MINK1: variants seen among roughly 807,000 people sequenced by gnomAD.
The protein encoded by MINK1 is misshapen-like kinase 1.
A neutral mutation model predicts 178.4 loss-of-function variants in MINK1; 46 were observed. The observed-to-expected ratio is 0.26, with a 90% CI of 0.20 to 0.33. The LOEUF is 0.33. Among genes scored for constraint, MINK1 ranks in the 10% least tolerant of loss-of-function variants. MINK1 has a pLI of 1.00. For missense variants in MINK1, 1,366 were observed against 1,814.9 expected (o/e 0.75, Z 4.49); for synonymous variants, 797 against 709.7 (o/e 1.12, Z -1.96).
chr17:4,841,759 G>T (rs971897833), intron 1 of MINK1, among the ~76,000 whole-genome samples: 3 of 152,104 alleles, frequency 2.0e-5, no homozygotes, highest in Non-Finnish European at 4.4e-5. Context: ...ATCTAAGTAT[G>T]TCTGTGACTG....
chr17:4,894,646 G>C lies in MINK1; in HGVS notation c.2917+13G>C, dbSNP rs746341712. On this transcript the variant is annotated intron_variant, in intron 24 of 31. Transcript: ENST00000355280. This position sits in a 1 kb window ranked among gnomAD's most constrained non-coding sequence, Gnocchi z 4.1. ...ATCCCCATCACAGGTGAGGACAGGA[G>C]GACAGACCTGCTGTGAGGCCAGGGT... The C allele has an allele frequency of 5.7e-6, 9 of 1,582,550 alleles. No homozygotes were observed. Among genetic ancestry groups the C allele is most frequent in the Non-Finnish European group, 7.8e-6 (9 of 1,160,890 alleles).
intron 1 of MINK1, among the ~76,000 whole-genome samples, chr17:4,873,176 G>C (rs1371910078): frequency 3.3e-5 from 5 of 152,278 alleles, no homozygotes. Flanking sequence ...GTTGCCCTTG[G>C]CCATCCACAT....
chr17:4,866,967 G>T (rs1304507505), intron 1 of MINK1, among the ~76,000 whole-genome samples: 2 of 150,910 alleles, frequency 1.3e-5, no homozygotes, highest in Non-Finnish European at 3.0e-5. Context: ...CAGCTGCTCC[G>T]GAGGCTGAGG....
chr17:4,883,793 C>T (rs1298471140), intron 4 of MINK1, among the ~76,000 whole-genome samples: 2 of 151,586 alleles, frequency 1.3e-5, no homozygotes, highest in Non-Finnish European at 2.9e-5. Context: ...CCACCTCGGC[C>T]TCCCAAAATG....
intron 1 of MINK1, among the ~76,000 whole-genome samples, chr17:4,845,768 A>G (rs184527891): frequency 3.5e-4 from 53 of 152,038 alleles, no homozygotes; most frequent in Non-Finnish European, 6.5e-4. Flanking sequence ...CCCAAGCATA[A>G]TAGCTGGGAC....
chr17:4,865,959 G>A (rs1233353016), intron 1 of MINK1, among the ~76,000 whole-genome samples: 1 of 152,148 alleles, frequency 6.6e-6, no homozygotes, highest in Admixed American at 6.5e-5. Context: ...AGAAAACAAA[G>A]ACATACCACA....
At chr17:4,846,346 T>TTGA (rs1172112215) in intron 1 of MINK1, among the ~76,000 whole-genome samples, 1 of 152,228 alleles carries the variant, frequency 6.6e-6, no homozygotes, top group Non-Finnish European at 1.5e-5. Context: ...CTGCATGTAT[T>TTGA]TGATGACACC....
chr17:4,896,731 C>T lies in MINK1; in HGVS notation c.3833C>T (p.Ser1278Phe). The change falls in exon 31 of 32, where the codon TCT becomes TTT. Residue 1278 changes from serine (S) to phenylalanine (F), a missense_variant. Physicochemically the swap from Ser to Phe is radical, Grantham distance 155. This residue lies in a region of MINK1 where 201 missense variants were observed against 240.7 expected (regional missense o/e 0.84). Coordinates refer to ENST00000355280, the MANE Select transcript of MINK1 (RefSeq NM_153827.5). This position sits in a 1 kb window ranked among gnomAD's most constrained non-coding sequence, Gnocchi z 4.6. Reference protein sequence around the residue: ...GWGEKAIEIRSVETGHLDGVF... With the variant: ...GWGEKAIEIRFVETGHLDGVF... ...GGTGAGAAAGCCATTGAGATCCGCT[C>T]TGTGGAGACGGGCCACCTCGACGGG... 6.2e-7 allele frequency: 1 copy of T among 1,604,542 alleles called. No individual in the cohort carries two copies.
At chr17:4,891,322 A>G (rs1968790900) in intron 15 of MINK1, 134 bp from the exon 16 acceptor site, 4 of 1,309,820 alleles carry the variant, frequency 3.1e-6, no homozygotes, top group Non-Finnish European at 3.1e-6. Flanking sequence ...CTTAGCTGTC[A>G]TCAGGCTCAA....
Position 4,894,176 on chromosome 17 carries a change from C to A in MINK1, c.2673C>A (p.Thr891=), listed in dbSNP as rs775289431. The change falls in exon 23 of 32, where the codon ACC becomes ACA. Residue 891 remains threonine, a splice_region_variant and synonymous_variant. Coordinates refer to ENST00000355280, the MANE Select transcript of MINK1 (RefSeq NM_153827.5). The surrounding 1 kb of genome is among the most constrained non-coding windows in gnomAD (Gnocchi z 4.1). ...CAACCCTGCCCTCTGTCCTGTAGAC[C>A]CCTGAAGAGGAGCGGAACCTGCTGC... ...YGGGTMVVQR[T]PEEERNLLHA... is the part of the protein sequence containing the mutation. The A allele has an allele frequency of 1.6e-5, 26 of 1,613,610 alleles. No individual in the cohort carries two copies. The highest frequency in any genetic ancestry group is 1.6e-5 in the Non-Finnish European group (19 of 1,179,804).
At position 4,896,161 on chromosome 17, in the gene MINK1, C is replaced by T. The variant is rs775207537; in HGVS notation, c.3466-32C>T. 16 of 1,602,236 alleles carry T rather than the reference C, an allele frequency of 1.0e-5. No homozygotes were observed. The highest frequency in any genetic ancestry group is 1.3e-5 in the African/African-American group (1 of 74,654). On this transcript the variant is annotated intron_variant, in intron 28 of 31. Coordinates refer to ENST00000355280, the MANE Select transcript of MINK1 (RefSeq NM_153827.5). The surrounding 1 kb of genome is among the most constrained non-coding windows in gnomAD (Gnocchi z 4.6). ...GAGTCCCAGCGCCTCTCCCCGTGCC[C>T]CTGAGCCCTCCTCTCCTCCGGTTCT...
intron 4 of MINK1, 97 bp from the exon 5 acceptor site, chr17:4,884,266 C>CT (rs1230379253): frequency 6.5e-6 from 6 of 925,962 alleles, no homozygotes; most frequent in Non-Finnish European, 8.6e-6. Context: ...CCCAAGGTCT[C>CT]TTATCCTCCT....
chr17:4,897,127 T>C, intron 31 of MINK1, 77 bp from the exon 32 acceptor site: 1 of 1,236,312 alleles, frequency 8.1e-7, no homozygotes, highest in South Asian at 1.3e-5. Flanking sequence ...CCACCCCTTC[T>C]TCCCTTCTTT....
rs1968145834 is a variant in MINK1, at chr17:4,885,773, T to C, written c.640-138T>C. 3 of 1,376,420 alleles carry C rather than the reference T, an allele frequency of 2.2e-6. No individual in the cohort carries two copies. The South Asian group carries it at 3.9e-5, about 18-fold the overall frequency. 85.3% of individuals were successfully genotyped at this position (1,376,420 alleles called of 1,614,324 possible). A position where few individuals can be genotyped will look rare whatever the true frequency, so the allele number is the denominator to read the frequency against. Reference sequence around the variant, plus strand: ...GGCAAGGCAAGTGTGGGTGGGAAGATGGGATGGGTTGGAAGGCACTGCTGC... The same window carrying C: ...GGCAAGGCAAGTGTGGGTGGGAAGACGGGATGGGTTGGAAGGCACTGCTGC... On this transcript the variant is annotated intron_variant, in intron 7 of 31. Transcript: ENST00000355280. The surrounding 1 kb of genome is among the most constrained non-coding windows in gnomAD (Gnocchi z 5.0).
At chr17:4,856,605 G>T (rs962560668) in intron 1 of MINK1, among the ~76,000 whole-genome samples, 1 of 152,154 alleles carries the variant, frequency 6.6e-6, no homozygotes, top group Non-Finnish European at 1.5e-5. Flanking sequence ...CTCCACAGGG[G>T]TATGGACAGG....
intron 1 of MINK1, among the ~76,000 whole-genome samples, chr17:4,872,061 TG>T (rs1285238906): frequency 6.6e-6 from 1 of 152,140 alleles, no homozygotes; most frequent in Non-Finnish European, 1.5e-5. Context: ...CTGGGTACAG[TG>T]GCTCACTCCT....
chr17:4,893,376 T>C, intron 20 of MINK1, 58 bp from the exon 21 acceptor site: 3 of 1,608,262 alleles, frequency 1.9e-6, no homozygotes, highest in Non-Finnish European at 1.7e-6. Flanking sequence ...CGGCACCCTT[T>C]GTCTACCTCC....
intron 1 of MINK1, chr17:4,875,407 C>A: frequency 4.5e-6 from 2 of 442,006 alleles, no homozygotes; most frequent in South Asian, 3.2e-5. Context: ...CCCAGGAGTT[C>A]AAGGCTACAG....
At chr17:4,880,444 C>A (rs1967591192) in intron 2 of MINK1, among the ~76,000 whole-genome samples, 1 of 150,790 alleles carries the variant, frequency 6.6e-6, no homozygotes, top group Non-Finnish European at 1.5e-5. Context: ...CACCATGACA[C>A]CCAGCTAATT....
Sources: allele counts gnomAD v4.1 joint callset (sites outside exome capture counted in the v4.1 genomes callset), GRCh38; gene constraint gnomAD v4.1.1; regional missense constraint gnomAD v4.1.1; non-coding constraint Gnocchi (gnomAD v3.1); transcripts MANE v1.5; gene names NCBI Gene and HGNC (gene_info 2026-07-23, HGNC 2026-07-21).